Variants in SLC36A1 observed in about 807,000 individuals in gnomAD.
SLC36A1 encodes the protein proton-coupled amino acid transporter 1.
A neutral mutation model predicts 47.5 loss-of-function variants in SLC36A1; 30 were observed. The ratio of observed to expected loss-of-function variants is 0.63; its 90% confidence interval spans 0.47 to 0.86. SLC36A1 has a LOEUF of 0.86. Among genes scored for constraint, SLC36A1 ranks in the 40% least tolerant of loss-of-function variants. The probability of loss-of-function intolerance (pLI) is 0.00; values close to 1 mark genes in which losing one functional copy is unlikely to be tolerated. For synonymous variants in SLC36A1, 255 were observed against 249.7 expected, an observed-to-expected ratio of 1.02 and a Z score of -0.20; for missense variants, 517 against 606.0, an observed-to-expected ratio of 0.85 and a Z score of 1.54.
At chr5:151,380,055 C>T in the SLC36A1 span, among the ~76,000 whole-genome samples, 4 of 151,898 alleles carry the variant, frequency 2.6e-5, no homozygotes, top group South Asian at 2.1e-4. Flanking sequence ...AGTGTAAAAA[C>T]GATACAGGAA....
At chr5:151,531,911 C>T in the SLC36A1 span, 12 of 1,614,092 alleles carry the variant, frequency 7.4e-6, no homozygotes, top group African/African-American at 1.3e-5. This position sits in a 1 kb window ranked among gnomAD's most constrained non-coding sequence, Gnocchi z 5.7. Flanking sequence ...GTGGTGGCGT[C>T]GATGGAAAAG....
chr5:151,456,549 G>GA (rs1423356707), intron 1 of SLC36A1, among the ~76,000 whole-genome samples: 1 of 152,056 alleles, frequency 6.6e-6, no homozygotes, highest in African/African-American at 2.4e-5. Flanking sequence ...ATACTTCAGA[G>GA]ATTTTTTTTT....
At chr5:151,399,594 G>A in the SLC36A1 span, among the ~76,000 whole-genome samples, 1 of 152,160 alleles carries the variant, frequency 6.6e-6, no homozygotes, top group South Asian at 2.1e-4. Context: ...GATTAAAATA[G>A]CTGTAGCTCC....
the SLC36A1 span, among the ~76,000 whole-genome samples, chr5:151,410,545 T>C: frequency 1.4e-5 from 2 of 144,688 alleles, 1 homozygote; most frequent in African/African-American, 5.0e-5. Flanking sequence ...GTCCATGATA[T>C]ATCATTAAGC....
chr5:151,536,786 A>G, the SLC36A1 span, among the ~76,000 whole-genome samples: 9 of 152,182 alleles, frequency 5.9e-5, no homozygotes, highest in African/African-American at 1.9e-4. Context: ...AGATACCTTG[A>G]GATCATGTTC....
chr5:151,536,725 C>T, the SLC36A1 span, among the ~76,000 whole-genome samples: 4 of 152,252 alleles, frequency 2.6e-5, no homozygotes, highest in Non-Finnish European at 5.9e-5. Context: ...CATATGCTTT[C>T]TCACCTGTGT....
the SLC36A1 span, chr5:151,511,800 C>A: frequency 1.4e-5 from 3 of 213,938 alleles, no homozygotes; most frequent in South Asian, 2.4e-4. Context: ...TAAATGTTTG[C>A]CTCTAGTGTT....
At chr5:151,480,896 C>G (rs1477811434) in intron 10 of SLC36A1, among the ~76,000 whole-genome samples, 1 of 151,842 alleles carries the variant, frequency 6.6e-6, no homozygotes, top group Admixed American at 6.6e-5. Context: ...CAAAGTGCTC[C>G]CTCCGGAAAA....
the SLC36A1 span, chr5:151,347,636 T>C: frequency 3.0e-6 from 2 of 669,502 alleles, no homozygotes; most frequent in South Asian, 1.8e-5. Flanking sequence ...TCTTCCTGCC[T>C]GGAGAAGCCA....
In SLC36A1 at chr5:151,488,527, C is replaced by A. The variant is rs1028919702; in HGVS notation, c.*273C>A. 4 of 469,222 alleles carry A rather than the reference C, an allele frequency of 8.5e-6. No individual in the cohort carries two copies. The highest frequency in any genetic ancestry group is 3.9e-5 in the African/African-American group (2 of 51,658). 29.1% of individuals were successfully genotyped at this position (469,222 alleles called of 1,614,324 possible). A position where few individuals can be genotyped will look rare whatever the true frequency, so the allele number is the denominator to read the frequency against. On this transcript the variant is annotated 3_prime_UTR_variant, in exon 11 of 11. Transcript: ENST00000243389. Reference sequence around the variant, plus strand: ...AACTTTCCAGCTCCCCCTCATCATGCCTCCTCCTTCCTACCTGCCTCCCCT... The same window carrying A: ...AACTTTCCAGCTCCCCCTCATCATGACTCCTCCTTCCTACCTGCCTCCCCT...
chr5:151,367,210 G>C, the SLC36A1 span, among the ~76,000 whole-genome samples: 1 of 152,088 alleles, frequency 6.6e-6, no homozygotes, highest in African/African-American at 2.4e-5. Flanking sequence ...CAGAGAACTG[G>C]TCTTACCACA....
the SLC36A1 span, among the ~76,000 whole-genome samples, chr5:151,518,825 C>T: frequency 5.9e-5 from 9 of 152,198 alleles, no homozygotes; most frequent in Admixed American, 1.3e-4. Context: ...CTTTGGGAAG[C>T]ACTGCCCTCC....
At chr5:151,553,189 A>G in the SLC36A1 span, 1 of 1,614,188 alleles carries the variant, frequency 6.2e-7, no homozygotes, top group East Asian at 2.2e-5. Flanking sequence ...GAGATGTTGA[A>G]CCAGAAGAGT....
At chr5:151,475,384 A>T (rs1031121810) in intron 8 of SLC36A1, among the ~76,000 whole-genome samples, 1 of 152,184 alleles carries the variant, frequency 6.6e-6, no homozygotes, top group Non-Finnish European at 1.5e-5. Context: ...TGCAAACATC[A>T]TTTGTTTTCA....
chr5:151,356,489 T>C, the SLC36A1 span, among the ~76,000 whole-genome samples: 1 of 152,138 alleles, frequency 6.6e-6, no homozygotes, highest in Non-Finnish European at 1.5e-5. Context: ...GCTGTCATCT[T>C]TGTGTTCCCT....
At chr5:151,348,712 G>C in the SLC36A1 span, among the ~76,000 whole-genome samples, 2 of 152,226 alleles carry the variant, frequency 1.3e-5, no homozygotes, top group Admixed American at 1.3e-4. Context: ...ACTTCTGTGG[G>C]TTAGCTTTGT....
At chr5:151,525,986 G>A in the SLC36A1 span, 1 of 1,611,924 alleles carries the variant, frequency 6.2e-7, no homozygotes, top group African/African-American at 1.3e-5. Context: ...GAGTGACAAA[G>A]AAGGCAAAGA....
the SLC36A1 span, among the ~76,000 whole-genome samples, chr5:151,400,634 G>A: frequency 6.6e-6 from 1 of 152,108 alleles, no homozygotes; most frequent in African/African-American, 2.4e-5. Context: ...CAGTGTATAA[G>A]TATCCCCTTT....
the SLC36A1 span, chr5:151,543,178 A>G: frequency 7.4e-6 from 12 of 1,614,194 alleles, no homozygotes; most frequent in South Asian, 1.3e-4. Flanking sequence ...TTCCAATCCC[A>G]CCAGGCTGTC....
Sources: gnomAD v4.1 joint callset for allele counts (sites outside exome capture counted in the v4.1 genomes callset) on GRCh38, gnomAD v4.1.1 for gene constraint, Gnocchi (gnomAD v3.1) non-coding constraint, MANE v1.5 for transcripts, NCBI Gene and HGNC (gene_info 2026-07-23, HGNC 2026-07-21) for gene names.